Variants in RAPH1 observed in about 807,000 individuals in gnomAD.
The protein encoded by RAPH1 is ras-associated and pleckstrin homology domains-containing protein 1.
Under a neutral mutation model 88.1 loss-of-function variants are expected in RAPH1, and 18 were observed. The ratio of observed to expected loss-of-function variants is 0.20; its 90% CI spans 0.14 to 0.30. The LOEUF is 0.30. RAPH1 is among the 10% of genes least tolerant of loss of function. The pLI is 1.00. For synonymous variants in RAPH1, 587 were observed against 559.0 expected, an observed-to-expected ratio of 1.05 and a Z score of -0.71; for missense variants, 1,448 against 1,543.2, an observed-to-expected ratio of 0.94 and a Z score of 1.03.
In RAPH1 at chr2:203,440,592, G is replaced by A; in HGVS notation, c.2598C>T (p.Ala866=). 6.4e-7 allele frequency: 1 copy of A among 1,554,896 alleles called. No homozygotes were observed. The highest frequency in any genetic ancestry group is 8.7e-7 in the Non-Finnish European group (1 of 1,149,956). ...GAGTTGGAGGGGGTGGAAACTGGCT[G>A]GCTATCTGCTTCACGACCGAGGGCA... ...SPVPSVVKQI[A]SQFPPPPTPP... Residue 866 remains alanine, a synonymous_variant, in exon 14 of 14, where the codon GCC becomes GCT. Coordinates refer to ENST00000319170, the MANE Select transcript of RAPH1 (RefSeq NM_213589.3).
intron 1 of RAPH1, among the ~76,000 whole-genome samples, chr2:203,500,240 T>C (rs1190724444): frequency 1.3e-5 from 2 of 152,102 alleles, no homozygotes; most frequent in East Asian, 1.9e-4. Flanking sequence ...TTTGAGAAGA[T>C]AGGAAAGTGG....
chr2:203,504,806 A>T (rs1420446377), intron 1 of RAPH1, among the ~76,000 whole-genome samples: 1 of 152,140 alleles, frequency 6.6e-6, no homozygotes, highest in Non-Finnish European at 1.5e-5. Flanking sequence ...TGCTGCTTTG[A>T]AATTTCTTCC....
chr2:203,530,810 T>C (rs975343655), intron 1 of RAPH1, among the ~76,000 whole-genome samples: 1 of 151,790 alleles, frequency 6.6e-6, no homozygotes, highest in Non-Finnish European at 1.5e-5. Context: ...GAGAATCGCT[T>C]GAGCCTGGGA....
In RAPH1 at chr2:203,489,938, A is replaced by T. The variant is rs776240312; in HGVS notation, c.378T>A (p.His126Gln). 2 of 1,614,090 alleles carry T rather than the reference A, an allele frequency of 1.2e-6. No homozygotes were observed. Among genetic ancestry groups the T allele is most frequent in the African/African-American group, 1.3e-5 (1 of 74,928 alleles). The change falls in exon 4 of 14, where the codon CAT becomes CAA. Residue 126 changes from histidine (H) to glutamine (Q), a missense_variant. Around this residue, in one of 2 missense-constraint regions of RAPH1, gnomAD observed 513 missense variants for 653.1 expected, o/e 0.79. Coordinates refer to ENST00000319170, the MANE Select transcript of RAPH1 (RefSeq NM_213589.3). ...CTTTCAAGGTGCCATGTTTCAATGT[A>T]TGTCGGCTAACAGGCAATTTCTGAG... ...KATQKLPVSR[H>Q]TLKHGTLKGL...
chr2:203,511,297 C>G (rs1689332294), intron 1 of RAPH1, among the ~76,000 whole-genome samples: 1 of 150,392 alleles, frequency 6.6e-6, no homozygotes, highest in African/African-American at 2.4e-5. Context: ...GCCAATTTAT[C>G]TGGTTCTAGT....
intron 2 of RAPH1, among the ~76,000 whole-genome samples, chr2:203,494,965 T>A (rs1356135633): frequency 6.6e-6 from 1 of 152,158 alleles, no homozygotes; most frequent in Non-Finnish European, 1.5e-5. Context: ...TAGCTAATTA[T>A]CTCATATTTA....
intron 2 of RAPH1, among the ~76,000 whole-genome samples, chr2:203,492,587 T>A (rs756403030): frequency 6.6e-6 from 1 of 152,192 alleles, no homozygotes; most frequent in Non-Finnish European, 1.5e-5. Flanking sequence ...TCTCTAACCT[T>A]TCTAGAGCAA....
chr2:203,505,411 A>G (rs1271301596), intron 1 of RAPH1, among the ~76,000 whole-genome samples: 1 of 150,160 alleles, frequency 6.7e-6, no homozygotes, highest in Non-Finnish European at 1.5e-5. Flanking sequence ...CAAGACTAGC[A>G]CAAGAAAGAC....
At chr2:203,514,222 T>C (rs1370208648) in intron 1 of RAPH1, among the ~76,000 whole-genome samples, 1 of 152,182 alleles carries the variant, frequency 6.6e-6, no homozygotes, top group East Asian at 1.9e-4. Context: ...GGGAGCAGTT[T>C]AGGGAGCCAG....
rs766252633 is a variant in RAPH1 at position 203,440,672 on chromosome 2, A to T, written c.2518T>A (p.Leu840Ile). The T allele has an allele frequency of 5.9e-5, 69 of 1,161,580 alleles. No individual in the cohort carries two copies. Among genetic ancestry groups the T allele is most frequent in the Middle Eastern group, 4.7e-4 (2 of 4,220 alleles). 72.0% of individuals were successfully genotyped at this position (1,161,580 alleles called of 1,614,324 possible). Residue 840 changes from leucine to isoleucine, a missense_variant, in exon 14 of 14, where the codon TTA becomes ATA. Leu to Ile is a conservative substitution (Grantham distance 5). Around this residue, in one of 2 missense-constraint regions of RAPH1, gnomAD observed 935 missense variants for 890.1 expected, o/e 1.05. Coordinates refer to ENST00000319170, the MANE Select transcript of RAPH1 (RefSeq NM_213589.3). ...GCACAGAAGCTCTGTTGCTTGGGTAATGTTGGCGGGGGTACTGGAACAGGA... is the reference window on the plus strand; with the variant it reads ...GCACAGAAGCTCTGTTGCTTGGGTATTGTTGGCGGGGGTACTGGAACAGGA... ...TPPVPVPPPTLPKQQSFCAKP... is the reference protein window; with the variant it reads ...TPPVPVPPPTIPKQQSFCAKP...
At chr2:203,483,682 CTGAGTGGGG>C (rs1377021753) in intron 4 of RAPH1, among the ~76,000 whole-genome samples, 1 of 152,156 alleles carries the variant, frequency 6.6e-6, no homozygotes, top group Non-Finnish European at 1.5e-5. Context: ...TGAACCAGGA[CTGAGTGGGG>C]AAGATCCATC....
chr2:203,433,913 T>C lies in RAPH1; in HGVS notation c.*5524A>G, dbSNP rs2098495427. ...ACATTTACACTGACTGTACGACTAG[T>C]GTGCTAAGCCATTACAATAGTTTAC... On this transcript the variant is annotated 3_prime_UTR_variant, in exon 14 of 14. Transcript: ENST00000319170. 6.6e-6 allele frequency: 1 copy of C among 152,562 alleles called. No individual in the cohort carries two copies. The highest frequency in any genetic ancestry group is 2.4e-5 in the African/African-American group (1 of 41,430). The allele number at this position is 152,562 out of a possible 1,614,324, so 9.5% of individuals were successfully genotyped here.
intron 4 of RAPH1, among the ~76,000 whole-genome samples, chr2:203,474,428 A>G (rs920225276): frequency 6.6e-6 from 1 of 152,230 alleles, no homozygotes; most frequent in Non-Finnish European, 1.5e-5. Flanking sequence ...TCTTGCTTAT[A>G]ACAATCTGAG....
At chr2:203,466,733 G>A (rs2098528765) in intron 4 of RAPH1, among the ~76,000 whole-genome samples, 1 of 152,154 alleles carries the variant, frequency 6.6e-6, no homozygotes, top group Admixed American at 6.5e-5. Flanking sequence ...AAAAGAGCAA[G>A]AGACAATCTA....
chr2:203,500,442 C>T (rs1429996868), intron 1 of RAPH1, among the ~76,000 whole-genome samples: 2 of 152,098 alleles, frequency 1.3e-5, no homozygotes, highest in Non-Finnish European at 2.9e-5. Context: ...GAGGAGGAAG[C>T]GGCAAAATCC....
At chr2:203,459,011 C>T (rs1477216171) in intron 7 of RAPH1, among the ~76,000 whole-genome samples, 1 of 152,012 alleles carries the variant, frequency 6.6e-6, no homozygotes, top group East Asian at 1.9e-4. Context: ...ATCCATCCAC[C>T]TCAGACTCCC....
chr2:203,441,182 T>C lies in RAPH1; in HGVS notation c.2008A>G (p.Ile670Val), dbSNP rs779608036. 5.0e-6 allele frequency: 8 copies of C among 1,609,986 alleles called. No homozygotes were observed. The highest frequency in any genetic ancestry group is 4.1e-5 in the African/African-American group (3 of 74,056). The change falls in exon 14 of 14, where the codon ATA (isoleucine) becomes GTA (valine). Residue 670 changes from isoleucine to valine, a missense_variant. Coordinates refer to ENST00000319170, the MANE Select transcript of RAPH1 (RefSeq NM_213589.3). ...TGAGACGCATTCTGTAGCCGTGTTA[T>C]TGTGCTGTACTTGACGAACATTGGG... ...AAPMFVKYST[I>V]TRLQNASQHS...
chr2:203,481,714 C>A (rs940240454), intron 4 of RAPH1, among the ~76,000 whole-genome samples: 1 of 150,486 alleles, frequency 6.6e-6, no homozygotes. Flanking sequence ...GCCTCAGCCT[C>A]CCGAGTAGCT....
intron 13 of RAPH1, chr2:203,442,985 G>A (rs2098505639): frequency 6.6e-6 from 1 of 152,194 alleles, no homozygotes; most frequent in Non-Finnish European, 1.5e-5. Flanking sequence ...TTAAATGGGG[G>A]AAGGGAGAGA....
Sources: gnomAD v4.1 joint callset for allele counts (sites outside exome capture counted in the v4.1 genomes callset) on GRCh38, gnomAD v4.1.1 for gene constraint, gnomAD v4.1.1 regional missense constraint, MANE v1.5 for transcripts, NCBI Gene and HGNC (gene_info 2026-07-23, HGNC 2026-07-21) for gene names.